ANXA8: variants seen among roughly 807,000 people sequenced by gnomAD.
The protein encoded by ANXA8 is VAC-beta.
ANXA8 carries 9 observed loss-of-function variants against 26.8 expected under a neutral mutation model. That is an observed-to-expected ratio of 0.34 (90% CI 0.20 to 0.59). The LOEUF is 0.59. Ranked by LOEUF, ANXA8 falls within the 20% of genes least tolerant of loss-of-function variation. ANXA8 has a pLI of 0.84. For missense variants in ANXA8, 83 were observed against 238.5 expected (o/e 0.35, Z 4.29); for synonymous variants, 39 against 94.8 (o/e 0.41, Z 3.42).
chr10:47,625,664 A>T, the ANXA8 span, among the ~76,000 whole-genome samples: 1 of 152,170 alleles, frequency 6.6e-6, no homozygotes, highest in Non-Finnish European at 1.5e-5. Flanking sequence ...AGCATCAGGT[A>T]CATGAGCCCG....
chr10:47,901,129 C>CA, the ANXA8 span, among the ~76,000 whole-genome samples: 13 of 141,526 alleles, frequency 9.2e-5, no homozygotes, highest in Admixed American at 7.0e-5. Context: ...CCCAGCCAAG[C>CA]AAAAAATACA....
At chr10:47,755,551 G>A in the ANXA8 span, among the ~76,000 whole-genome samples, 23 of 132,422 alleles carry the variant, frequency 1.7e-4, no homozygotes, top group South Asian at 3.5e-3. Context: ...CACCGTGCCC[G>A]GCCCTTTTTT....
the ANXA8 span, among the ~76,000 whole-genome samples, chr10:47,918,428 A>AGAAAG: frequency 5.9e-3 from 204 of 34,656 alleles, 76 homozygotes; most frequent in Admixed American, 8.6e-3. Context: ...AAAGAAAGAA[A>AGAAAG]GAAAGAGAGA....
At chr10:47,679,007 C>A in the ANXA8 span, among the ~76,000 whole-genome samples, 6 of 113,966 alleles carry the variant, frequency 5.3e-5, no homozygotes, top group Non-Finnish European at 1.0e-4. Context: ...CATGCCACTA[C>A]ACTACAGCCT....
At chr10:47,658,822 G>A in the ANXA8 span, among the ~76,000 whole-genome samples, 1 of 141,496 alleles carries the variant, frequency 7.1e-6, no homozygotes, top group Admixed American at 6.9e-5. Context: ...CTGTAACAGT[G>A]AAGTGTTGAG....
the ANXA8 span, among the ~76,000 whole-genome samples, chr10:47,575,071 G>A: frequency 1.5e-5 from 2 of 134,608 alleles, no homozygotes; most frequent in African/African-American, 5.9e-5. Context: ...CACTAAGCAG[G>A]CACATGCCTG....
the ANXA8 span, among the ~76,000 whole-genome samples, chr10:47,644,534 C>A: frequency 6.6e-6 from 1 of 152,042 alleles, no homozygotes; most frequent in African/African-American, 2.4e-5. Context: ...AATTTGCCAA[C>A]CCTTGGTTGA....
At chr10:47,672,327 T>C in the ANXA8 span, among the ~76,000 whole-genome samples, 4 of 151,644 alleles carry the variant, frequency 2.6e-5, no homozygotes, top group South Asian at 2.1e-4. Flanking sequence ...CACAGAACGA[T>C]ATAGCTGGAA....
At chr10:47,649,570 G>A in the ANXA8 span, among the ~76,000 whole-genome samples, 1,897 of 150,632 alleles carry the variant, frequency 0.013, 3 homozygotes, top group African/African-American at 0.044. Context: ...CACCACGCCC[G>A]GCTAATTTTT....
At chr10:47,689,412 G>A in the ANXA8 span, among the ~76,000 whole-genome samples, 29 of 151,828 alleles carry the variant, frequency 1.9e-4, no homozygotes, top group Non-Finnish European at 4.4e-5. Context: ...TCCTGACCTC[G>A]TGATCCACCT....
chr10:47,501,131 T>G, the ANXA8 span, among the ~76,000 whole-genome samples: 1 of 142,820 alleles, frequency 7.0e-6, no homozygotes, highest in Non-Finnish European at 1.5e-5. Context: ...CTTGATCTCC[T>G]GACCTCATGA....
the ANXA8 span, chr10:47,567,977 C>T: frequency 1.4e-6 from 1 of 697,900 alleles, no homozygotes; most frequent in Non-Finnish European, 2.6e-6. Context: ...GGTGCTAAAG[C>T]TGGTGTTAAG....
the ANXA8 span, among the ~76,000 whole-genome samples, chr10:47,599,103 T>G: frequency 5.4e-5 from 8 of 147,480 alleles, no homozygotes; most frequent in Non-Finnish European, 1.0e-4. Flanking sequence ...TAATAATATA[T>G]AGTTAATAAT....
At chr10:47,742,957 A>G in the ANXA8 span, among the ~76,000 whole-genome samples, 1 of 140,700 alleles carries the variant, frequency 7.1e-6, no homozygotes, top group Non-Finnish European at 1.5e-5. Context: ...GATCGAGACC[A>G]TCCTGGTTAA....
At chr10:47,937,814 T>TCATGTTCCTGTAAAGGA in the ANXA8 span, among the ~76,000 whole-genome samples, 15,119 of 144,666 alleles carry the variant, frequency 0.1, 1,559 homozygotes, top group African/African-American at 0.24. Flanking sequence ...AAGAACAAGA[T>TCATGTTCCTGTAAAGGA]CATGTTCCTG....
chr10:47,735,270 T>C, the ANXA8 span, among the ~76,000 whole-genome samples: 3 of 142,208 alleles, frequency 2.1e-5, no homozygotes, highest in Non-Finnish European at 4.6e-5. Context: ...TGATTTTTTA[T>C]TTTTTGTAGA....
chr10:47,955,302 T>C, the ANXA8 span, among the ~76,000 whole-genome samples: 11 of 150,162 alleles, frequency 7.3e-5, no homozygotes, highest in Admixed American at 7.3e-4. Flanking sequence ...AATTGCCCAG[T>C]CTTGGGTATG....
At chr10:47,733,149 CTTTCTTTCTTTCTTTCTT>C in the ANXA8 span, among the ~76,000 whole-genome samples, 5 of 68,282 alleles carry the variant, frequency 7.3e-5, no homozygotes, top group African/African-American at 3.0e-4. Flanking sequence ...CCTAATCTTT[CTTTCTTTCTTTCTTTCTT>C]TCTTTCTTTC....
chr10:47,693,532 C>T, the ANXA8 span, among the ~76,000 whole-genome samples: 537 of 151,418 alleles, frequency 3.5e-3, 7 homozygotes, highest in African/African-American at 0.011. Flanking sequence ...CCTCGTGATC[C>T]GCCCGCCTCG....
Sources: gnomAD v4.1 joint callset for allele counts (sites outside exome capture counted in the v4.1 genomes callset) on GRCh38, gnomAD v4.1.1 for gene constraint, MANE v1.5 for transcripts, NCBI Gene and HGNC (gene_info 2026-07-23, HGNC 2026-07-21) for gene names.